The following SNX13 variants were observed in gnomAD, a reference collection of about 807,000 sequenced individuals.
SNX13 encodes the protein sorting nexin 13, also known as sorting nexin-13.
SNX13 carries 45 observed loss-of-function variants against 133.6 expected under a neutral mutation model. That is an observed-to-expected ratio of 0.34 (90% confidence interval 0.27 to 0.43). The LOEUF (loss-of-function observed/expected upper bound fraction) is 0.43, where lower values mean the gene tolerates loss of function less well. Ranked by LOEUF, SNX13 falls within the 20% of genes least tolerant of loss-of-function variation. The probability of loss-of-function intolerance (pLI) is 1.00; values close to 1 mark genes in which losing one functional copy is unlikely to be tolerated. For missense variants in SNX13, 1,032 were observed against 1,145.1 expected (o/e 0.90, Z 1.43); for synonymous variants, 414 against 373.9 (o/e 1.11, Z -1.24).
chr7:17,808,448 G>C (rs1470968903), intron 20 of SNX13, among the ~76,000 whole-genome samples: 2 of 152,194 alleles, frequency 1.3e-5, no homozygotes, highest in African/African-American at 2.4e-5. Context: ...AGAAATATGA[G>C]ACTATGAGAA....
In SNX13 at chr7:17,897,349, A is replaced by G. The variant is rs1177023557; in HGVS notation, c.110T>C (p.Leu37Pro). 4 of 1,569,228 alleles carry G rather than the reference A, an allele frequency of 2.5e-6. No homozygotes were observed. The highest frequency in any genetic ancestry group is 2.6e-6 in the Non-Finnish European group (3 of 1,155,604). ...FVIFYLTFYI[L>P]CFVGGGLVVT... ...GTATACTTACCCACCCACAAAGCAGAGGATATAAAATGTCAAATAAAATAT... is the reference window on the plus strand; with the variant it reads ...GTATACTTACCCACCCACAAAGCAGGGGATATAAAATGTCAAATAAAATAT... Residue 37 changes from leucine to proline, a missense_variant, in exon 2 of 26, where the codon CTC (leucine) becomes CCC (proline). Physicochemically the swap from Leu to Pro is moderately conservative, Grantham distance 98 (BLOSUM62 -3). Transcript: ENST00000428135.
chr7:17,838,311 G>A (rs891433612), intron 13 of SNX13, among the ~76,000 whole-genome samples: 1 of 151,796 alleles, frequency 6.6e-6, no homozygotes, highest in African/African-American at 2.4e-5. Context: ...AATTTCTGTA[G>A]GGTCAGGGTT....
intron 17 of SNX13, 192 bp from the exon 18 acceptor site, chr7:17,821,840 T>A: frequency 1.7e-6 from 1 of 589,750 alleles, no homozygotes; most frequent in Non-Finnish European, 2.9e-6. Flanking sequence ...CATATTCACA[T>A]CCATAAGGTA....
At chr7:17,862,867 T>A (rs1294058140) in intron 9 of SNX13, among the ~76,000 whole-genome samples, 1 of 152,098 alleles carries the variant, frequency 6.6e-6, no homozygotes, top group Non-Finnish European at 1.5e-5. Flanking sequence ...TGCACCTTCA[T>A]AGGAACCATA....
chr7:17,795,107 T>G (rs1783907484), intron 25 of SNX13: 1 of 151,638 alleles, frequency 6.6e-6, no homozygotes, highest in Non-Finnish European at 1.5e-5. Flanking sequence ...CAAGTTGGGT[T>G]GAATTTTATT....
intron 1 of SNX13, among the ~76,000 whole-genome samples, chr7:17,920,623 C>T (rs1040493084): frequency 2.0e-5 from 3 of 152,130 alleles, no homozygotes; most frequent in African/African-American, 7.2e-5. Flanking sequence ...CCCATTTATT[C>T]TTACAAAAAC....
chr7:17,922,048 CT>C (rs1191511753), intron 1 of SNX13, among the ~76,000 whole-genome samples: 2 of 152,352 alleles, frequency 1.3e-5, no homozygotes, highest in Non-Finnish European at 2.9e-5. Context: ...TCTGTACTCA[CT>C]TTCCTATCTA....
At position 17,810,888 on chromosome 7, in the gene SNX13, A is replaced by G. The variant is rs1472594735; in HGVS notation, c.2064+3946T>C. Among the ~76,000 whole-genome samples the G allele has an allele frequency of 6.6e-5, 10 of 152,208 alleles. No individual in the cohort carries two copies. In the East Asian group the frequency reaches 1.9e-3, roughly 29 times the overall value. The stretch of plus-strand genomic sequence containing the variant: ...AAATGTCATCCATCACATAAACAGA[A>G]CCAATGACAAAAACCACATGATTAT... On this transcript the variant is annotated intron_variant, in intron 20 of 25. Coordinates refer to ENST00000428135, the MANE Select transcript of SNX13 (RefSeq NM_015132.5).
intron 1 of SNX13, among the ~76,000 whole-genome samples, chr7:17,924,676 C>T (rs1282088625): frequency 6.6e-6 from 1 of 152,122 alleles, no homozygotes; most frequent in African/African-American, 2.4e-5. Flanking sequence ...TACAAATGTT[C>T]ACAGCAGCAT....
chr7:17,808,348 G>T (rs564925447), intron 20 of SNX13, among the ~76,000 whole-genome samples: 1 of 152,084 alleles, frequency 6.6e-6, no homozygotes, highest in South Asian at 2.1e-4. Context: ...TGGAAGAAAG[G>T]ATATCAGAGA....
Position 17,875,516 on chromosome 7 carries a change from G to T in SNX13, c.628C>A (p.Arg210Ser). Residue 210 changes from arginine (R) to serine (S), a missense_variant, in exon 7 of 26, where the codon CGT becomes AGT. Transcript: ENST00000428135. ...VEVEMEKEVCRDLVCTSPKDE... is the reference protein window; with the variant it reads ...VEVEMEKEVCSDLVCTSPKDE... ...TTGGGGGAAGTGCACACTAGATCAC[G>T]GCAAACCTCCTTCTCCATTTCAACT... is the stretch of plus-strand genomic sequence containing the variant. The T allele has an allele frequency of 6.2e-7, 1 of 1,608,870 alleles. No individual in the cohort carries two copies. The highest frequency in any genetic ancestry group is 8.5e-7 in the Non-Finnish European group (1 of 1,178,836).
chr7:17,876,137 A>G (rs988288578), intron 5 of SNX13, among the ~76,000 whole-genome samples: 30 of 152,264 alleles, frequency 2.0e-4, no homozygotes, highest in African/African-American at 7.2e-4. Flanking sequence ...ATAAGAATAC[A>G]TAAGGAATTC....
chr7:17,910,089 A>G (rs1308586588), intron 1 of SNX13, among the ~76,000 whole-genome samples: 1 of 152,216 alleles, frequency 6.6e-6, no homozygotes, highest in African/African-American at 2.4e-5. Context: ...ACTTAAGTCA[A>G]TTAAAACCTA....
Position 17,850,060 on chromosome 7 carries a change from G to A in SNX13, c.1065+287C>T, listed in dbSNP as rs529915851. Reference sequence around the variant, plus strand: ...ACCCAACTCACAAAACTGAATAAATGTAAGTTTTGAATAAACAAATGATAC... The same window carrying A: ...ACCCAACTCACAAAACTGAATAAATATAAGTTTTGAATAAACAAATGATAC... On this transcript the variant is annotated intron_variant, in intron 11 of 25. Coordinates refer to ENST00000428135, the MANE Select transcript of SNX13 (RefSeq NM_015132.5). 5.8e-4 allele frequency among the ~76,000 whole-genome samples: 89 copies of A among 152,198 alleles called. No individual in the cohort carries two copies. In the South Asian group the frequency reaches 0.018, roughly 31 times the overall value.
intron 5 of SNX13, among the ~76,000 whole-genome samples, chr7:17,885,777 G>A (rs185792435): frequency 1.3e-4 from 20 of 152,306 alleles, no homozygotes; most frequent in African/African-American, 3.8e-4. Context: ...GCAGTGAGCC[G>A]AGATCGTGCC....
intron 1 of SNX13, among the ~76,000 whole-genome samples, chr7:17,920,475 T>C (rs1376002347): frequency 2.6e-5 from 4 of 152,102 alleles, no homozygotes; most frequent in African/African-American, 9.7e-5. Context: ...TTAAAAGCTT[T>C]CTTTAATTGT....
At chr7:17,933,615 T>C (rs572062364) in intron 1 of SNX13, among the ~76,000 whole-genome samples, 2 of 151,410 alleles carry the variant, frequency 1.3e-5, no homozygotes, top group African/African-American at 4.9e-5. Context: ...CACAAGAAAC[T>C]ATCCCCTTTT....
At chr7:17,808,772 C>T (rs1472648631) in intron 20 of SNX13, among the ~76,000 whole-genome samples, 1 of 152,096 alleles carries the variant, frequency 6.6e-6, no homozygotes. Flanking sequence ...AGAATCCCTA[C>T]AAGCCAGAAG....
intron 8 of SNX13, among the ~76,000 whole-genome samples, chr7:17,870,604 A>AC (rs1397221160): frequency 3.3e-5 from 5 of 152,224 alleles, no homozygotes; most frequent in Admixed American, 6.5e-5. Flanking sequence ...GAGTCAACTT[A>AC]ATCTTCAAGA....
Sources: gnomAD v4.1 joint callset for allele counts (sites outside exome capture counted in the v4.1 genomes callset) on GRCh38, gnomAD v4.1.1 for gene constraint, MANE v1.5 for transcripts, NCBI Gene and HGNC (gene_info 2026-07-23, HGNC 2026-07-21) for gene names.